GPR161: variants seen among roughly 807,000 people sequenced by gnomAD.
The protein encoded by GPR161 is G protein-coupled receptor 161.
GPR161 carries 25 observed loss-of-function variants against 39.2 expected under a neutral mutation model. That is an observed-to-expected ratio of 0.64 (90% CI 0.47 to 0.89). The LOEUF is 0.89. Ranked by LOEUF, GPR161 falls within the 40% of genes least tolerant of loss-of-function variation. GPR161 has a pLI of 0.00. For synonymous variants in GPR161, 286 were observed against 276.6 expected, an observed-to-expected ratio of 1.03 and a Z score of -0.34; for missense variants, 547 against 677.8, an observed-to-expected ratio of 0.81 and a Z score of 2.14.
chr1:168,094,695 G>A (rs1261636899), intron 3 of GPR161, among the ~76,000 whole-genome samples: 2 of 152,178 alleles, frequency 1.3e-5, no homozygotes, highest in African/African-American at 4.8e-5. Flanking sequence ...AGAGTTGCCC[G>A]AAGTCATCTG....
At chr1:168,110,163 A>G (rs1277957042) in intron 1 of GPR161, among the ~76,000 whole-genome samples, 2 of 151,906 alleles carry the variant, frequency 1.3e-5, no homozygotes, top group African/African-American at 2.4e-5. Context: ...GTCAACAACA[A>G]CAGCAACAAA....
chr1:168,133,397 T>C (rs1306219461), intron 1 of GPR161, among the ~76,000 whole-genome samples: 1 of 152,176 alleles, frequency 6.6e-6, no homozygotes, highest in African/African-American at 2.4e-5. Flanking sequence ...ATATTGTACA[T>C]GTACACAGAT....
chr1:168,087,080 G>A lies in GPR161; in HGVS notation c.1324+505C>T, dbSNP rs545723304. Reference sequence around the variant, plus strand: ...AGTAAACAACAGTCCCTGGGGGTGAGCGGGGAAGATATAGAGTAGAAAAAT... The same window carrying A: ...AGTAAACAACAGTCCCTGGGGGTGAACGGGGAAGATATAGAGTAGAAAAAT... On this transcript the variant is annotated intron_variant, in intron 5 of 5. Coordinates refer to ENST00000682931, the MANE Select transcript of GPR161 (RefSeq NM_001375883.1). Among the ~76,000 whole-genome samples the A allele has an allele frequency of 4.6e-5, 7 of 152,284 alleles. No homozygotes were observed. In the South Asian group the frequency reaches 1.2e-3, roughly 27 times the overall value.
At chr1:168,096,060 G>A in intron 3 of GPR161, among the ~76,000 whole-genome samples, 1 of 150,310 alleles carries the variant, frequency 6.7e-6, no homozygotes, top group Non-Finnish European at 1.5e-5. Flanking sequence ...CTTGAATCAG[G>A]GAGGCAGAGG....
At chr1:168,132,108 T>C (rs1297648562) in intron 1 of GPR161, among the ~76,000 whole-genome samples, 1 of 151,824 alleles carries the variant, frequency 6.6e-6, no homozygotes, top group Non-Finnish European at 1.5e-5. Context: ...CTACTAAAAA[T>C]ACAAAAATTA....
chr1:168,113,909 T>C (rs1320913855), intron 1 of GPR161, among the ~76,000 whole-genome samples: 2 of 151,818 alleles, frequency 1.3e-5, no homozygotes, highest in Non-Finnish European at 2.9e-5. Context: ...AAAATAATTG[T>C]ACAACAAACC....
At chr1:168,137,323 C>T (rs1699464594), upstream of GPR161, 2 of 1,534,922 alleles carry the variant, frequency 1.3e-6, no homozygotes, top group Admixed American at 2.0e-5. Context: ...CCCGCAGGCT[C>T]CGCACAGTCC....
At chr1:168,109,947 C>A (rs1558118614) in intron 1 of GPR161, among the ~76,000 whole-genome samples, 1 of 152,160 alleles carries the variant, frequency 6.6e-6, no homozygotes, top group South Asian at 2.1e-4. Context: ...GCCTGGGCAA[C>A]AGAGTGAGGC....
intron 3 of GPR161, among the ~76,000 whole-genome samples, chr1:168,092,982 G>A (rs956622596): frequency 1.3e-5 from 2 of 152,054 alleles, no homozygotes; most frequent in Non-Finnish European, 2.9e-5. Flanking sequence ...GGTGGTGCTC[G>A]GGCTCTCCAG....
intron 1 of GPR161, chr1:168,136,269 G>A (rs1005297433): frequency 2.1e-6 from 3 of 1,436,352 alleles, no homozygotes; most frequent in African/African-American, 2.9e-5. Context: ...GGTCCTCACG[G>A]ATTCCAGCCG....
intron 1 of GPR161, among the ~76,000 whole-genome samples, chr1:168,124,804 T>C (rs1334885505): frequency 6.6e-6 from 1 of 152,198 alleles, no homozygotes; most frequent in Non-Finnish European, 1.5e-5. Context: ...AAGTTCTTGC[T>C]CTATGAGCTC....
chr1:168,100,885 T>C (rs112983945), intron 2 of GPR161, among the ~76,000 whole-genome samples: 3,235 of 152,278 alleles, frequency 0.021, 116 homozygotes, highest in African/African-American at 0.073. Flanking sequence ...GCAGCGATGA[T>C]AGAGGTGACC....
At chr1:168,106,833 G>T (rs1284373628) in intron 1 of GPR161, among the ~76,000 whole-genome samples, 1 of 152,102 alleles carries the variant, frequency 6.6e-6, no homozygotes, top group Non-Finnish European at 1.5e-5. Flanking sequence ...TAACATATTA[G>T]TTACTCCAGC....
chr1:168,092,915 G>A (rs77138196), intron 3 of GPR161, among the ~76,000 whole-genome samples: 3,989 of 152,260 alleles, frequency 0.026, 166 homozygotes, highest in African/African-American at 0.09. Flanking sequence ...TAAGGGCGGC[G>A]TTTGGAGGGG....
chr1:168,127,838 G>C (rs945164556), intron 1 of GPR161, among the ~76,000 whole-genome samples: 7 of 152,194 alleles, frequency 4.6e-5, no homozygotes, highest in South Asian at 4.1e-4. Flanking sequence ...TGGGAACACA[G>C]CCAGAGCATA....
rs577403962 is a variant in GPR161 at position 168,136,034 on chromosome 1, G to A, written c.-45+705C>T. On this transcript the variant is annotated intron_variant, in intron 1 of 5. Coordinates refer to ENST00000682931, the MANE Select transcript of GPR161 (RefSeq NM_001375883.1). ...CCCAACAGACGTTCTCATCCCATAT[G>A]CCTTTGTCCAAAGGTTGCACGGGGG... 1.9e-5 allele frequency: 23 copies of A among 1,239,604 alleles called. No homozygotes were observed. The East Asian group carries it at 5.7e-4, about 31-fold the overall frequency. 76.8% of individuals were successfully genotyped at this position (1,239,604 alleles called of 1,614,324 possible).
intron 1 of GPR161, among the ~76,000 whole-genome samples, chr1:168,123,579 C>CACACA (rs796208020): frequency 2.0e-5 from 3 of 147,746 alleles, no homozygotes; most frequent in Non-Finnish European, 3.0e-5. Context: ...CACACACACA[C>CACACA]TTGTTTGCAT....
chr1:168,110,538 G>GAAAGAAAAGA lies in GPR161; in HGVS notation c.-44-5654_-44-5645dup, dbSNP rs56209524. 6.3e-3 allele frequency among the ~76,000 whole-genome samples: 502 copies of GAAAGAAAAGA among 79,602 alleles called. 4 individuals are homozygous for GAAAGAAAAGA. Among genetic ancestry groups the GAAAGAAAAGA allele is most frequent in the Middle Eastern group, 0.013 (2 of 152 alleles). The allele number at this position is 79,602 out of a possible 152,430, so 52.2% of individuals were successfully genotyped here. Reference sequence around the variant, plus strand: ...AAAAAAAAAACGAAAGAAAGGAAAGGAAAGAAAAGAAAAGAAAAGAAAAGA... The same window carrying GAAAGAAAAGA: ...AAAAAAAAAACGAAAGAAAGGAAAGGAAAGAAAAGAAAAGAAAAGAAAAGAAAAGAAAAGA... On this transcript the variant is annotated intron_variant, in intron 1 of 5. Transcript: ENST00000682931.
In GPR161 at chr1:168,104,897, G is replaced by A. The variant is rs1288504246; in HGVS notation, c.-44-3C>T. 3 of 1,600,068 alleles carry A rather than the reference G, an allele frequency of 1.9e-6. No individual in the cohort carries two copies. The highest frequency in any genetic ancestry group is 1.3e-5 in the African/African-American group (1 of 74,584). ...GGTGGGCAGAGCATGCTGGACGACT[G>A]GAAAGATAAGGCAGGACCAGGGGAC... is the stretch of plus-strand genomic sequence containing the variant. On this transcript the variant is annotated splice_region_variant and splice_polypyrimidine_tract_variant and intron_variant, in intron 1 of 5. Coordinates refer to ENST00000682931, the MANE Select transcript of GPR161 (RefSeq NM_001375883.1).
Sources: allele counts gnomAD v4.1 joint callset (sites outside exome capture counted in the v4.1 genomes callset), GRCh38; gene constraint gnomAD v4.1.1; transcripts MANE v1.5; gene names NCBI Gene and HGNC (gene_info 2026-07-23, HGNC 2026-07-21).